Variants in ACACA observed in about 807,000 individuals in gnomAD.
ACACA encodes the protein acetyl-CoA carboxylase 1.
Under a neutral mutation model 296.1 loss-of-function variants are expected in ACACA, and 103 were observed. That is an observed-to-expected ratio of 0.35 (90% CI 0.30 to 0.41). The LOEUF (loss-of-function observed/expected upper bound fraction) is 0.41, where lower values mean the gene tolerates loss of function less well. ACACA is among the 10% of genes least tolerant of loss of function. ACACA has a pLI of 1.00. For synonymous variants in ACACA, 953 were observed against 1,038.6 expected (o/e 0.92, Z 1.58); for missense variants, 1,554 against 2,989.7 (o/e 0.52, Z 11.20).
At chr17:37,145,505 A>G (rs2075772779) in intron 45 of ACACA, among the ~76,000 whole-genome samples, 1 of 151,962 alleles carries the variant, frequency 6.6e-6, no homozygotes, top group Non-Finnish European at 1.5e-5. Context: ...TTCTCACGAC[A>G]TTTGGACAAA....
At chr17:37,152,964 A>T (rs1769783264) in intron 43 of ACACA, among the ~76,000 whole-genome samples, 1 of 151,732 alleles carries the variant, frequency 6.6e-6, no homozygotes, top group South Asian at 2.1e-4. Context: ...CTGCCTTTCT[A>T]TTTTTAGCCT....
chr17:37,209,338 T>A (rs562111291), intron 30 of ACACA, among the ~76,000 whole-genome samples: 156 of 152,334 alleles, frequency 1.0e-3, no homozygotes, highest in Non-Finnish European at 2.0e-3. Flanking sequence ...TTCTACTTGC[T>A]TGGCATTAGA....
chr17:37,221,900 C>T, intron 28 of ACACA, 58 bp from the exon 29 acceptor site: 1 of 1,461,070 alleles, frequency 6.8e-7, no homozygotes, highest in South Asian at 1.1e-5. Context: ...AAGAAAATAG[C>T]CCAGAAAAAG....
At position 37,307,474 on chromosome 17, in the gene ACACA, G is replaced by A. The variant is rs140680935; in HGVS notation, c.339-22504C>T. ...TTAATTTGCAAATCCCTGATGACTA[G>A]TAATATTGAGCACCTTTTCATATAC... On this transcript the variant is annotated intron_variant, in intron 3 of 55. Coordinates refer to ENST00000616317, the MANE Select transcript of ACACA (RefSeq NM_198834.3). Among the ~76,000 whole-genome samples the A allele has an allele frequency of 3.3e-5, 5 of 152,230 alleles. No homozygotes were observed. In the East Asian group the frequency reaches 9.6e-4, roughly 29 times the overall value.
intron 43 of ACACA, among the ~76,000 whole-genome samples, chr17:37,152,838 C>T (rs2076097284): frequency 6.6e-6 from 1 of 152,182 alleles, no homozygotes. Flanking sequence ...TCTTAAAATA[C>T]TTCCTCCTGC....
chr17:37,247,437 G>A (rs971107111), intron 18 of ACACA, among the ~76,000 whole-genome samples: 1 of 150,660 alleles, frequency 6.6e-6, no homozygotes, highest in Admixed American at 6.6e-5. Context: ...GCGTGATCTC[G>A]GCTCACCGCA....
chr17:37,099,732 G>A (rs867210234), intron 52 of ACACA, among the ~76,000 whole-genome samples: 4 of 152,034 alleles, frequency 2.6e-5, no homozygotes, highest in African/African-American at 4.8e-5. Context: ...TGGTGTCTTC[G>A]GAGATGAGAC....
At chr17:37,368,686 C>G (rs1215550888) in intron 1 of ACACA, 2 of 152,200 alleles carry the variant, frequency 1.3e-5, no homozygotes, top group Non-Finnish European at 1.5e-5. Context: ...TATTATGAAT[C>G]CTTTACCCTT....
chr17:37,403,404 C>T (rs1436325064), intron 1 of ACACA, among the ~76,000 whole-genome samples: 1 of 139,044 alleles, frequency 7.2e-6, no homozygotes, highest in Non-Finnish European at 1.5e-5. Context: ...CAGTGTCTCA[C>T]TCTGTCACCT....
chr17:37,224,653 G>GTGTA (rs1007382845), intron 27 of ACACA, among the ~76,000 whole-genome samples: 15 of 148,332 alleles, frequency 1.0e-4, no homozygotes, highest in African/African-American at 3.5e-4. Flanking sequence ...ATGTGTGTGT[G>GTGTA]TATATATATA....
chr17:37,123,808 G>T (rs529286184), intron 48 of ACACA, among the ~76,000 whole-genome samples: 2 of 152,306 alleles, frequency 1.3e-5, no homozygotes, highest in East Asian at 1.9e-4. Context: ...CTGGAAACTT[G>T]TAATTGCAAA....
At chr17:37,183,814 G>C (rs1452935123) in intron 39 of ACACA, among the ~76,000 whole-genome samples, 1 of 136,196 alleles carries the variant, frequency 7.3e-6, no homozygotes, top group African/African-American at 2.6e-5. Flanking sequence ...AAAAAAGAAA[G>C]AAAGAAAAGA....
Position 37,188,209 on chromosome 17 carries a change from T to C in ACACA, c.4776+68A>G, listed in dbSNP as rs2077610928. 4 of 1,468,758 alleles carry C rather than the reference T, an allele frequency of 2.7e-6. No individual in the cohort carries two copies. In the Admixed American group the frequency reaches 5.3e-5, roughly 19 times the overall value. The allele number at this position is 1,468,758 out of a possible 1,614,324, so 91.0% of individuals were successfully genotyped here. On this transcript the variant is annotated intron_variant, in intron 39 of 55. Transcript: ENST00000616317. ...GGGATTTGTGAGTGTGGGTCTTCTATAACAAGGACGAGTGTCTTATCTGTA... is the reference window on the plus strand; with the variant it reads ...GGGATTTGTGAGTGTGGGTCTTCTACAACAAGGACGAGTGTCTTATCTGTA...
chr17:37,350,507 G>C lies in ACACA; in HGVS notation c.39-10657C>G, dbSNP rs985433497. 2.6e-5 allele frequency among the ~76,000 whole-genome samples: 4 copies of C among 152,096 alleles called. No individual in the cohort carries two copies. The East Asian group carries it at 7.7e-4, about 29-fold the overall frequency. On this transcript the variant is annotated intron_variant, in intron 1 of 55. Coordinates refer to ENST00000616317, the MANE Select transcript of ACACA (RefSeq NM_198834.3). ...TGCATTCCAGCATGGGCAAAAGAGC[G>C]AGACCCTGTCTCGAAAACAAAACAA... is the stretch of plus-strand genomic sequence containing the variant.
chr17:37,270,668 G>T (rs2082028405), intron 10 of ACACA, 83 bp downstream of exon 10: 1 of 1,044,748 alleles, frequency 9.6e-7, no homozygotes, highest in Non-Finnish European at 1.5e-6. Context: ...TATTTTCTGG[G>T]CATCCAAATT....
intron 16 of ACACA, among the ~76,000 whole-genome samples, chr17:37,250,228 C>T (rs959593062): frequency 6.6e-6 from 1 of 152,168 alleles, no homozygotes; most frequent in Non-Finnish European, 1.5e-5. Flanking sequence ...TATGAATTTA[C>T]TATAGGGGAC....
At chr17:37,302,005 G>C (rs1436496503) in intron 3 of ACACA, among the ~76,000 whole-genome samples, 1 of 151,474 alleles carries the variant, frequency 6.6e-6, no homozygotes, top group Non-Finnish European at 1.5e-5. Flanking sequence ...TTTTGAGATG[G>C]AGTCTCGCTC....
intron 41 of ACACA, among the ~76,000 whole-genome samples, chr17:37,177,119 G>A (rs1386028974): frequency 6.6e-6 from 1 of 152,036 alleles, no homozygotes; most frequent in Admixed American, 6.5e-5. Flanking sequence ...AACTATTAAA[G>A]CACTGGACAA....
intron 2 of ACACA, 128 bp from the exon 3 acceptor site, chr17:37,330,553 C>T: frequency 8.7e-7 from 1 of 1,155,336 alleles, no homozygotes. Context: ...AACTAACTTC[C>T]TTGGCTATTC....
Sources: allele counts gnomAD v4.1 joint callset (sites outside exome capture counted in the v4.1 genomes callset), GRCh38; gene constraint gnomAD v4.1.1; transcripts MANE v1.5; gene names NCBI Gene and HGNC (gene_info 2026-07-23, HGNC 2026-07-21).